The following ERICH6B variants were observed in gnomAD, a reference collection of about 807,000 sequenced individuals.
ERICH6B encodes the protein glutamate rich 6B, also known as glutamate-rich protein 6B.
Under a neutral mutation model 80.0 loss-of-function variants are expected in ERICH6B, and 69 were observed. That is an observed-to-expected ratio of 0.86 (90% CI 0.71 to 1.05). ERICH6B has a LOEUF of 1.05. Ranked by LOEUF, ERICH6B falls within the 50% of genes least tolerant of loss-of-function variation. The pLI, the probability that ERICH6B is intolerant of heterozygous loss-of-function variation, is 0.00. For missense variants in ERICH6B, 754 were observed against 796.1 expected (o/e 0.95, Z 0.64); for synonymous variants, 283 against 291.9 (o/e 0.97, Z 0.31).
At chr13:45,559,582 G>A (rs976475220) in intron 11 of ERICH6B, among the ~76,000 whole-genome samples, 13 of 152,066 alleles carry the variant, frequency 8.5e-5, no homozygotes, top group Middle Eastern at 3.4e-3. Context: ...CAGAGGTTTC[G>A]TTAGGTTGTG....
chr13:45,545,165 G>T (rs1248170802), intron 13 of ERICH6B, among the ~76,000 whole-genome samples, 180 bp from the exon 14 acceptor site: 1 of 152,160 alleles, frequency 6.6e-6, no homozygotes, highest in Non-Finnish European at 1.5e-5. Flanking sequence ...CCCTGCGCTG[G>T]CCTCACCATA....
intron 9 of ERICH6B, among the ~76,000 whole-genome samples, chr13:45,565,346 G>A (rs1467475744): frequency 6.6e-6 from 1 of 152,200 alleles, no homozygotes; most frequent in Non-Finnish European, 1.5e-5. Context: ...CTGCTGGAGA[G>A]TCTGCAACAG....
At chr13:45,544,674 G>T in intron 14 of ERICH6B, 86 bp downstream of exon 14, 2 of 1,177,420 alleles carry the variant, frequency 1.7e-6, no homozygotes, top group Non-Finnish European at 2.4e-6. Context: ...CTGGAGGCCT[G>T]TGGCATGGGC....
intron 9 of ERICH6B, among the ~76,000 whole-genome samples, chr13:45,565,363 G>A (rs1309344162): frequency 6.6e-6 from 1 of 152,154 alleles, no homozygotes; most frequent in Non-Finnish European, 1.5e-5. Flanking sequence ...ACAGACCCAT[G>A]GGGGCACAAA....
intron 11 of ERICH6B, among the ~76,000 whole-genome samples, chr13:45,556,329 A>C (rs148742467): frequency 1.0e-3 from 155 of 152,272 alleles, no homozygotes; most frequent in African/African-American, 3.7e-3. Flanking sequence ...AGACTATCAC[A>C]TCTTTTAAAT....
At chr13:45,606,296 T>C (rs1949858861) in intron 2 of ERICH6B, among the ~76,000 whole-genome samples, 1 of 151,776 alleles carries the variant, frequency 6.6e-6, no homozygotes, top group East Asian at 1.9e-4. Context: ...TATTGATAAT[T>C]GTTATAACAG....
chr13:45,543,268 C>T (rs1444516838), intron 14 of ERICH6B, among the ~76,000 whole-genome samples: 1 of 152,200 alleles, frequency 6.6e-6, no homozygotes, highest in Non-Finnish European at 1.5e-5. Context: ...CCTTCTTCCC[C>T]CACTACAGTT....
chr13:45,606,505 GTATATATATATA>G (rs58856558), intron 2 of ERICH6B, among the ~76,000 whole-genome samples: 14 of 28,692 alleles, frequency 4.9e-4, no homozygotes, highest in South Asian at 3.8e-3. Context: ...AAGTGTATGT[GTATATATATATA>G]TATATATATA....
At chr13:45,563,278 C>T (rs1874769562) in intron 10 of ERICH6B, among the ~76,000 whole-genome samples, 1 of 152,198 alleles carries the variant, frequency 6.6e-6, no homozygotes, top group Admixed American at 6.5e-5. Context: ...CCCTTCCCAT[C>T]ACAGGGCCTA....
chr13:45,560,589 C>G (rs1164457077), intron 11 of ERICH6B, among the ~76,000 whole-genome samples: 1 of 152,194 alleles, frequency 6.6e-6, no homozygotes, highest in South Asian at 2.1e-4. Flanking sequence ...AGTTTAACTG[C>G]CCTAAAACTC....
At chr13:45,547,995 G>A (rs1874057922) in intron 13 of ERICH6B, among the ~76,000 whole-genome samples, 1 of 152,182 alleles carries the variant, frequency 6.6e-6, no homozygotes, top group Admixed American at 6.5e-5. Context: ...CTCAGGGGGT[G>A]AAAAGATCCT....
chr13:45,547,845 C>T (rs1354383708), intron 13 of ERICH6B, among the ~76,000 whole-genome samples: 2 of 152,130 alleles, frequency 1.3e-5, no homozygotes, highest in African/African-American at 4.8e-5. Flanking sequence ...CCTAGGATTC[C>T]AGTAGCAACA....
rs1290998991 is a variant in ERICH6B at position 45,615,735 on chromosome 13, T to C, written c.-161A>G. On this transcript the variant is annotated 5_prime_UTR_variant, in exon 1 of 15. Transcript: ENST00000298738. Reference sequence around the variant, plus strand: ...CCACCGCGATCTCAGGCCCCGGCGTTTGTGGCAGCTCTCGGTTACCATGGG... The same window carrying C: ...CCACCGCGATCTCAGGCCCCGGCGTCTGTGGCAGCTCTCGGTTACCATGGG... 6.6e-6 allele frequency: 1 copy of C among 152,266 alleles called. No homozygotes were observed. Among genetic ancestry groups the C allele is most frequent in the African/African-American group, 2.4e-5 (1 of 41,418 alleles). The allele number at this position is 152,266 out of a possible 1,614,324, so 9.4% of individuals were successfully genotyped here.
chr13:45,566,414 C>A (rs1874915130), intron 9 of ERICH6B, among the ~76,000 whole-genome samples: 1 of 152,236 alleles, frequency 6.6e-6, no homozygotes, highest in Non-Finnish European at 1.5e-5. Context: ...CAGCCCCTCC[C>A]ATCACAGGCC....
chr13:45,585,396 A>T lies in ERICH6B; in HGVS notation c.856+1667T>A, dbSNP rs576833786. Among the ~76,000 whole-genome samples the T allele has an allele frequency of 1.1e-4, 17 of 152,180 alleles. No individual in the cohort carries two copies. In the South Asian group the frequency reaches 3.3e-3, roughly 30 times the overall value. ...TATTCATTCTTTGTCCCTCTTTGTC[A>T]CACTTGCGCCGTTCTGTTGGCCAGA... On this transcript the variant is annotated intron_variant, in intron 5 of 14. Transcript: ENST00000298738.
intron 3 of ERICH6B, 42 bp from the exon 4 acceptor site, chr13:45,590,739 C>T: frequency 6.6e-7 from 1 of 1,511,198 alleles, no homozygotes; most frequent in Non-Finnish European, 9.0e-7. Context: ...GGCAAAAAAG[C>T]ATCTTTCTTT....
At position 45,546,280 on chromosome 13, in the gene ERICH6B, G is replaced by A. The variant is rs938199967; in HGVS notation, c.1647-1295C>T. On this transcript the variant is annotated intron_variant, in intron 13 of 14. Transcript: ENST00000298738. The stretch of plus-strand genomic sequence containing the variant: ...TGGCTTCTGCTTTTCAAATCCCAAA[G>A]GGCAGTTCCTAGAATCAGTGCCCTT... Among the ~76,000 whole-genome samples, 3 of 152,250 alleles carry A rather than the reference G, an allele frequency of 2.0e-5. No individual in the cohort carries two copies. The East Asian group carries it at 5.8e-4, about 29-fold the overall frequency.
At position 45,588,445 on chromosome 13, in the gene ERICH6B, C is replaced by T. The variant is rs184804265; in HGVS notation, c.687-1213G>A. Among the ~76,000 whole-genome samples the T allele has an allele frequency of 8.1e-4, 124 of 152,296 alleles. No individual in the cohort carries two copies. In the East Asian group the frequency reaches 0.011, roughly 14 times the overall value. ...GGTGACCGCAGGGATTAAGAACAGG[C>T]GGATGCAGGTGAGTTCCTTAGGCCC... On this transcript the variant is annotated intron_variant, in intron 4 of 14. Transcript: ENST00000298738.
chr13:45,611,200 C>T (rs1002778508), intron 1 of ERICH6B, among the ~76,000 whole-genome samples: 19 of 152,170 alleles, frequency 1.2e-4, no homozygotes, highest in African/African-American at 4.6e-4. Context: ...ATGCTAGAAT[C>T]CCATTGTCCA....
Sources: allele counts gnomAD v4.1 joint callset (sites outside exome capture counted in the v4.1 genomes callset), GRCh38; gene constraint gnomAD v4.1.1; transcripts MANE v1.5; gene names NCBI Gene and HGNC (gene_info 2026-07-23, HGNC 2026-07-21).